The following NRXN3 variants were observed in gnomAD, a reference collection of about 807,000 sequenced individuals.
NRXN3 encodes neurexin III.
NRXN3 carries 32 observed loss-of-function variants against 137.6 expected under a neutral mutation model. The observed-to-expected ratio is 0.23, with a 90% confidence interval of 0.18 to 0.31. The LOEUF is 0.31. NRXN3 is among the 10% of genes least tolerant of loss of function. NRXN3 has a pLI of 1.00. For missense variants in NRXN3, 1,574 were observed against 2,062.5 expected, an observed-to-expected ratio of 0.76 and a Z score of 4.59; for synonymous variants, 798 against 784.5, an observed-to-expected ratio of 1.02 and a Z score of -0.29.
At chr14:79,154,192 T>C (rs1403888538) in intron 15 of NRXN3, among the ~76,000 whole-genome samples, 1 of 152,024 alleles carries the variant, frequency 6.6e-6, no homozygotes, top group East Asian at 1.9e-4. Context: ...GCTTGCAATG[T>C]GAATGGCTTC....
At chr14:78,449,614 G>A (rs139067821) in intron 4 of NRXN3, among the ~76,000 whole-genome samples, 334 of 152,222 alleles carry the variant, frequency 2.2e-3, no homozygotes, top group Middle Eastern at 6.8e-3. Flanking sequence ...TTTATATCAC[G>A]CACCATTTAA....
intron 15 of NRXN3, among the ~76,000 whole-genome samples, chr14:79,320,157 A>G (rs1361979207): frequency 2.6e-5 from 4 of 152,192 alleles, no homozygotes; most frequent in African/African-American, 9.6e-5. Flanking sequence ...AAGGTGTCTA[A>G]TTAATTACTA....
At chr14:78,630,979 A>G (rs1189696946) in intron 4 of NRXN3, among the ~76,000 whole-genome samples, 1 of 152,202 alleles carries the variant, frequency 6.6e-6, no homozygotes, top group Non-Finnish European at 1.5e-5. Flanking sequence ...GTTGAAATCT[A>G]AGTCTGTGGA....
Position 79,663,906 on chromosome 14 carries a change from C to A in NRXN3, c.3573C>A (p.Thr1191=). 6.2e-7 allele frequency: 1 copy of A among 1,613,512 alleles called. No homozygotes were observed. The highest frequency in any genetic ancestry group is 8.5e-7 in the Non-Finnish European group (1 of 1,179,636). ...VRFTRNGGNA[T]LQVDNWPVNE... is the part of the protein sequence containing the mutation. ...TCACCAGGAACGGCGGCAACGCCACCCTGCAGGTGGACAACTGGCCAGTGA... is the reference window on the plus strand; with the variant it reads ...TCACCAGGAACGGCGGCAACGCCACACTGCAGGTGGACAACTGGCCAGTGA... Residue 1191 remains threonine (T), a synonymous_variant, in exon 17 of 21, where the codon ACC becomes ACA. Coordinates refer to ENST00000335750, the MANE Select transcript of NRXN3 (RefSeq NM_001330195.2).
intron 16 of NRXN3, among the ~76,000 whole-genome samples, chr14:79,518,783 T>C (rs961202524): frequency 3.3e-5 from 5 of 152,204 alleles, no homozygotes; most frequent in Admixed American, 3.3e-4. Flanking sequence ...CTGACTTTAG[T>C]AAGAGTGATT....
At chr14:79,536,209 G>A (rs1428551643) in intron 16 of NRXN3, among the ~76,000 whole-genome samples, 1 of 152,126 alleles carries the variant, frequency 6.6e-6, no homozygotes, top group Non-Finnish European at 1.5e-5. Context: ...GACTCTATAT[G>A]GAAAGGGAGG....
intron 4 of NRXN3, among the ~76,000 whole-genome samples, chr14:78,636,471 C>T (rs2097567832): frequency 6.6e-6 from 1 of 151,976 alleles, no homozygotes; most frequent in Admixed American, 6.5e-5. Flanking sequence ...ACCCTTACTA[C>T]AGCACCAAGC....
intron 11 of NRXN3, among the ~76,000 whole-genome samples, chr14:78,960,263 A>C (rs1313603197): frequency 6.6e-6 from 1 of 152,176 alleles, no homozygotes; most frequent in Non-Finnish European, 1.5e-5. Flanking sequence ...TATGAGTTAC[A>C]ATCTTGGGTT....
chr14:78,724,551 T>TAGAAC, intron 8 of NRXN3, among the ~76,000 whole-genome samples: 1 of 152,084 alleles, frequency 6.6e-6, no homozygotes, highest in African/African-American at 2.4e-5. Context: ...TAGAATAGAA[T>TAGAAC]AGAATGTTCT....
rs531628487 is a variant in NRXN3, at chr14:79,043,846, A to G, written c.3262+55705A>G. 2.0e-5 allele frequency among the ~76,000 whole-genome samples: 3 copies of G among 152,122 alleles called. No homozygotes were observed. The South Asian group carries it at 6.2e-4, about 32-fold the overall frequency. ...AGAAATTCAAAGCTACCATGTGAAGATCCTTTCCTGAATATAGTGTGGCTA... is the reference window on the plus strand; with the variant it reads ...AGAAATTCAAAGCTACCATGTGAAGGTCCTTTCCTGAATATAGTGTGGCTA... On this transcript the variant is annotated intron_variant, in intron 15 of 20. Coordinates refer to ENST00000335750, the MANE Select transcript of NRXN3 (RefSeq NM_001330195.2).
At chr14:78,906,594 A>G (rs1480490046) in intron 10 of NRXN3, among the ~76,000 whole-genome samples, 1 of 152,080 alleles carries the variant, frequency 6.6e-6, no homozygotes, top group Non-Finnish European at 1.5e-5. Context: ...CTACCAAACA[A>G]TATTTCTTTG....
chr14:78,227,846 A>G (rs1320241798), intron 1 of NRXN3, among the ~76,000 whole-genome samples: 1 of 152,188 alleles, frequency 6.6e-6, no homozygotes, highest in African/African-American at 2.4e-5. Flanking sequence ...GAAAACTGGG[A>G]TGACAGTTCT....
chr14:78,987,651 A>T (rs2099509715), intron 14 of NRXN3, among the ~76,000 whole-genome samples: 1 of 151,866 alleles, frequency 6.6e-6, no homozygotes, highest in South Asian at 2.1e-4. Flanking sequence ...TATAAGAATC[A>T]TGGGAATGAT....
At chr14:79,583,195 C>G (rs221420) in intron 16 of NRXN3, among the ~76,000 whole-genome samples, 63,760 of 152,022 alleles carry the variant, frequency 0.42, 16,409 homozygotes, top group African/African-American at 0.71. Context: ...ATGTGGAAAG[C>G]GTGAGACAGA....
chr14:79,798,534 G>A (rs542121296), intron 19 of NRXN3, among the ~76,000 whole-genome samples: 7 of 152,222 alleles, frequency 4.6e-5, no homozygotes, highest in African/African-American at 9.6e-5. Context: ...CTTTTTCACC[G>A]GAAGAAAGGA....
chr14:78,478,132 G>A (rs2095411348), intron 4 of NRXN3, among the ~76,000 whole-genome samples: 1 of 152,196 alleles, frequency 6.6e-6, no homozygotes, highest in South Asian at 2.1e-4. Flanking sequence ...TAGGTATCAT[G>A]ATAGTCAAAC....
chr14:78,351,145 A>G (rs1393427167), intron 4 of NRXN3, among the ~76,000 whole-genome samples: 1 of 152,186 alleles, frequency 6.6e-6, no homozygotes, highest in Non-Finnish European at 1.5e-5. Flanking sequence ...AATGGTTTCT[A>G]TAGTTTTCTG....
chr14:78,617,208 A>C (rs2097355739), intron 4 of NRXN3, among the ~76,000 whole-genome samples: 1 of 152,224 alleles, frequency 6.6e-6, no homozygotes, highest in Non-Finnish European at 1.5e-5. Context: ...AGCTAACTGC[A>C]GAAAACCACC....
At chr14:78,982,381 G>A (rs1598197015) in intron 14 of NRXN3, among the ~76,000 whole-genome samples, 1 of 152,226 alleles carries the variant, frequency 6.6e-6, no homozygotes, top group East Asian at 1.9e-4. Flanking sequence ...GCCCTTGAGA[G>A]GCTTACGGTC....
Sources: gnomAD v4.1 joint callset for allele counts (sites outside exome capture counted in the v4.1 genomes callset) on GRCh38, gnomAD v4.1.1 for gene constraint, MANE v1.5 for transcripts, NCBI Gene and HGNC (gene_info 2026-07-23, HGNC 2026-07-21) for gene names.